Variants in HCN2 observed in about 807,000 individuals in gnomAD.
HCN2 encodes the protein hyperpolarization activated cyclic nucleotide gated potassium and sodium channel 2, also known as potassium/sodium hyperpolarization-activated cyclic nucleotide-gated channel 2.
A neutral mutation model predicts 52.3 loss-of-function variants in HCN2; 20 were observed. That is an observed-to-expected ratio of 0.38 (90% CI 0.27 to 0.56). The LOEUF is 0.56. Among genes scored for constraint, HCN2 ranks in the 20% least tolerant of loss-of-function variants. HCN2 has a pLI of 0.71. For missense variants in HCN2, 981 were observed against 1,207.7 expected, an observed-to-expected ratio of 0.81 and a Z score of 2.78; for synonymous variants, 694 against 537.0, an observed-to-expected ratio of 1.29 and a Z score of -4.04.
chr19:598,545 A>T (rs1983105783), intron 1 of HCN2, among the ~76,000 whole-genome samples: 1 of 151,754 alleles, frequency 6.6e-6, no homozygotes, highest in Admixed American at 6.6e-5. Context: ...AGCTTCTGTG[A>T]TCCTTTAGTC....
chr19:614,039 C>CGGGGCGGGTGCCCTGGCG, intron 7 of HCN2, 23 bp downstream of exon 7: 1 of 1,332,460 alleles, frequency 7.5e-7, no homozygotes, highest in Non-Finnish European at 1.0e-6. Context: ...GGGGCGTGGC[C>CGGGGCGGGTGCCCTGGCG]GGGGCGGGTG....
chr19:610,542 A>G (rs983890936), intron 5 of HCN2, 137 bp downstream of exon 5: 32 of 722,746 alleles, frequency 4.4e-5, no homozygotes, highest in Middle Eastern at 8.0e-4. Flanking sequence ...AGACCTGCGT[A>G]CACACCCTCC....
intron 3 of HCN2, among the ~76,000 whole-genome samples, chr19:607,557 A>G (rs1026086902): frequency 6.6e-6 from 1 of 152,180 alleles, no homozygotes; most frequent in African/African-American, 2.4e-5. Flanking sequence ...GGGTCAGCTG[A>G]GGACTTGGTG....
intron 1 of HCN2, among the ~76,000 whole-genome samples, chr19:594,147 A>G (rs28409415): frequency 0.011 from 1,715 of 151,986 alleles, 22 homozygotes; most frequent in African/African-American, 0.033. Context: ...AGGGGACACG[A>G]AGGCCCAGGG....
At chr19:594,503 TG>T (rs998586785) in intron 1 of HCN2, among the ~76,000 whole-genome samples, 3 of 152,208 alleles carry the variant, frequency 2.0e-5, no homozygotes, top group Non-Finnish European at 4.4e-5. Context: ...GGATCTGTTA[TG>T]TCCCCTGGGG....
Position 603,625 on chromosome 19 carries a change from T to G in HCN2, c.714T>G (p.Asp238Glu). The change falls in exon 2 of 8, where the codon GAT becomes GAG. Residue 238 changes from aspartate to glutamate, a missense_variant. Around this residue, in one of 6 missense-constraint regions of HCN2, gnomAD observed 282 missense variants for 553.8 expected, o/e 0.51. Coordinates refer to ENST00000251287, the MANE Select transcript of HCN2 (RefSeq NM_001194.4). ...CAGTGGGCATCACCTTCTTCAAGGA[T>G]GAGACCACTGCCCCGTGGATCGTGT... ...IIPVGITFFK[D>E]ETTAPWIVFN... is the part of the protein sequence containing the mutation. The G allele has an allele frequency of 6.2e-7, 1 of 1,611,216 alleles. No homozygotes were observed. Among genetic ancestry groups the G allele is most frequent in the South Asian group, 1.1e-5 (1 of 90,964 alleles).
chr19:611,650 C>G (rs1478413770), intron 5 of HCN2, among the ~76,000 whole-genome samples: 1 of 152,156 alleles, frequency 6.6e-6, no homozygotes, highest in Non-Finnish European at 1.5e-5. Context: ...AACACTCAGA[C>G]CACAAAATGC....
Position 617,101 on chromosome 19 carries a change from C to CCCCCCCCCATAA in HCN2, c.*627_*628insCCCCCCCCATAA. 1.9e-6 allele frequency: 1 copy of CCCCCCCCCATAA among 518,766 alleles called. No homozygotes were observed. The highest frequency in any genetic ancestry group is 3.5e-5 in the East Asian group (1 of 28,534). The allele number at this position is 518,766 out of a possible 1,614,324, so 32.1% of individuals were successfully genotyped here. On this transcript the variant is annotated 3_prime_UTR_variant, in exon 8 of 8. Transcript: ENST00000251287. ...CAGCAGTGCCCCCACCGTGGCCCCC[C>CCCCCCCCCATAA]ACGCCCCATTAACCCCCACACCCCC... is the stretch of plus-strand genomic sequence containing the variant.
At chr19:602,702 G>A (rs867591115) in intron 1 of HCN2, among the ~76,000 whole-genome samples, 25 of 152,218 alleles carry the variant, frequency 1.6e-4, no homozygotes, top group South Asian at 4.1e-4. Flanking sequence ...TTTTTTTAAC[G>A]CCAACCTTGT....
rs1466330794 is a variant in HCN2 at position 604,969 on chromosome 19, G to C, written c.1057-92G>C. The C allele has an allele frequency of 2.7e-5, 36 of 1,336,442 alleles. 2 individuals are homozygous for C. The highest frequency in any genetic ancestry group is 3.3e-5 in the Non-Finnish European group (33 of 992,278). 82.8% of individuals were successfully genotyped at this position (1,336,442 alleles called of 1,614,324 possible). A position where few individuals can be genotyped will look rare whatever the true frequency, so the allele number is the denominator to read the frequency against. On this transcript the variant is annotated intron_variant, in intron 2 of 7. Coordinates refer to ENST00000251287, the MANE Select transcript of HCN2 (RefSeq NM_001194.4). Reference sequence around the variant, plus strand: ...CCTTGGATTTGGGGGAGGGGGCCAGGAGCTCCCGCAGTGGGGGCGCACGGG... The same window carrying C: ...CCTTGGATTTGGGGGAGGGGGCCAGCAGCTCCCGCAGTGGGGGCGCACGGG...
chr19:602,812 G>A (rs992829971), intron 1 of HCN2, among the ~76,000 whole-genome samples: 1 of 152,250 alleles, frequency 6.6e-6, no homozygotes, highest in Non-Finnish European at 1.5e-5. Context: ...AGGACACGGG[G>A]TCAAAGTTGG....
chr19:593,259 T>C (rs1402387093), intron 1 of HCN2, among the ~76,000 whole-genome samples: 1 of 152,188 alleles, frequency 6.6e-6, no homozygotes, highest in Non-Finnish European at 1.5e-5. Context: ...GGGCAGAGCA[T>C]GGGTCCTGGG....
At position 616,186 on chromosome 19, in the gene HCN2, C is replaced by T. The variant is rs1381021948; in HGVS notation, c.2382C>T (p.Pro794=). The T allele has an allele frequency of 2.9e-5, 28 of 981,398 alleles. No individual in the cohort carries two copies. Among genetic ancestry groups the T allele is most frequent in the Admixed American group, 6.1e-5 (1 of 16,276 alleles). 60.8% of individuals were successfully genotyped at this position (981,398 alleles called of 1,614,324 possible). The change falls in exon 8 of 8, where the codon CCC becomes CCT. Residue 794 remains proline (P), a synonymous_variant. Coordinates refer to ENST00000251287, the MANE Select transcript of HCN2 (RefSeq NM_001194.4). ...PASPRAPRTS[P]YGGLPAAPLA... is the part of the protein sequence containing the mutation. ...GCCCCCGGGCACCGCGGACCTCGCC[C>T]TACGGCGGCCTGCCCGCCGCCCCCC...
At position 590,145 on chromosome 19, in the gene HCN2, A is replaced by T; in HGVS notation, c.200A>T (p.Asp67Val). Reference protein sequence around the residue: ...RAEALPPEAADEGGPRGRLRS... With the variant: ...RAEALPPEAAVEGGPRGRLRS... The stretch of plus-strand genomic sequence containing the variant: ...GAGGCGTTGCCCCCGGAGGCGGCGG[A>T]TGAGGGCGGCCCGCGGGGCCGGCTC... Residue 67 changes from aspartate (D) to valine (V), a missense_variant, in exon 1 of 8, where the codon GAT becomes GTT. Asp to Val is a radical substitution (Grantham distance 152, BLOSUM62 -3). Coordinates refer to ENST00000251287, the MANE Select transcript of HCN2 (RefSeq NM_001194.4). The surrounding 1 kb of genome is among the most constrained non-coding windows in gnomAD (Gnocchi z 7.2). 1 of 961,858 alleles carries T rather than the reference A, an allele frequency of 1.0e-6. No homozygotes were observed. The highest frequency in any genetic ancestry group is 1.2e-6 in the Non-Finnish European group (1 of 814,848). The allele number at this position is 961,858 out of a possible 1,614,324, so 59.6% of individuals were successfully genotyped here.
chr19:614,299 C>T (rs372448521), intron 7 of HCN2, among the ~76,000 whole-genome samples: 33 of 152,266 alleles, frequency 2.2e-4, no homozygotes, highest in African/African-American at 7.2e-4. Flanking sequence ...GCCTGTTTCC[C>T]AAGGGAGGGA....
rs1982880259 is a variant in HCN2 at position 591,748 on chromosome 19, C to T, written c.632+1171C>T. Among the ~76,000 whole-genome samples, 1 of 152,124 alleles carries T rather than the reference C, an allele frequency of 6.6e-6. No homozygotes were observed. Among genetic ancestry groups the T allele is most frequent in the Non-Finnish European group, 1.5e-5 (1 of 67,992 alleles). Reference sequence around the variant, plus strand: ...GTCTCTCCTCCTCCAGGCCTGGGCGCCCCAGGACAGCCCCCACGGACCCTG... The same window carrying T: ...GTCTCTCCTCCTCCAGGCCTGGGCGTCCCAGGACAGCCCCCACGGACCCTG... On this transcript the variant is annotated intron_variant, in intron 1 of 7. Transcript: ENST00000251287. The surrounding 1 kb of genome is among the most constrained non-coding windows in gnomAD (Gnocchi z 4.1).
chr19:608,576 A>G (rs1366830133), intron 4 of HCN2, among the ~76,000 whole-genome samples: 3 of 139,132 alleles, frequency 2.2e-5, no homozygotes, highest in Non-Finnish European at 4.7e-5. Context: ...GAGCCTGGAG[A>G]TGGACGTGGG....
rs1300413036 is a variant in HCN2, at chr19:617,001, G to A, written c.*527G>A. ...CTCCCTCCAGCACTGGCACCGAGAG[G>A]CAGGCCTGGCTGCGCAGGGCGCGGG... On this transcript the variant is annotated 3_prime_UTR_variant, in exon 8 of 8. Transcript: ENST00000251287. The A allele has an allele frequency of 1.8e-5, 9 of 489,706 alleles. No individual in the cohort carries two copies. 30.3% of individuals were successfully genotyped at this position (489,706 alleles called of 1,614,324 possible). A position where few individuals can be genotyped will look rare whatever the true frequency, so the allele number is the denominator to read the frequency against.
At position 613,240 on chromosome 19, in the gene HCN2, C is replaced by G. The variant is rs756746223; in HGVS notation, c.1585-8C>G. 6 of 1,608,766 alleles carry G rather than the reference C, an allele frequency of 3.7e-6. No individual in the cohort carries two copies. In the East Asian group the frequency reaches 1.1e-4, roughly 30 times the overall value. On this transcript the variant is annotated splice_polypyrimidine_tract_variant and splice_region_variant and intron_variant, in intron 5 of 7. Transcript: ENST00000251287. ...CGCAGCGGACCCAGCCCTGCCTCCCCCCTGCAGGAGATCGTCAACTTCAAC... is the reference window on the plus strand; with the variant it reads ...CGCAGCGGACCCAGCCCTGCCTCCCGCCTGCAGGAGATCGTCAACTTCAAC...
Sources: allele counts gnomAD v4.1 joint callset (sites outside exome capture counted in the v4.1 genomes callset), GRCh38; gene constraint gnomAD v4.1.1; regional missense constraint gnomAD v4.1.1; non-coding constraint Gnocchi (gnomAD v3.1); transcripts MANE v1.5; gene names NCBI Gene and HGNC (gene_info 2026-07-23, HGNC 2026-07-21).